The following PHLDB2 variants were observed in gnomAD, a reference collection of about 807,000 sequenced individuals.
The protein encoded by PHLDB2 is pleckstrin homology like domain family B member 2, also known as pleckstrin homology-like domain family B member 2.
Under a neutral mutation model 123.6 loss-of-function variants are expected in PHLDB2, and 71 were observed. The ratio of observed to expected loss-of-function variants is 0.57; its 90% CI spans 0.47 to 0.70. PHLDB2 has a LOEUF of 0.70. Among genes scored for constraint, PHLDB2 ranks in the 30% least tolerant of loss-of-function variants. PHLDB2 has a pLI of 0.00. For missense variants in PHLDB2, 1,446 were observed against 1,519.5 expected, an observed-to-expected ratio of 0.95 and a Z score of 0.80; for synonymous variants, 547 against 541.6, an observed-to-expected ratio of 1.01 and a Z score of -0.14.
rs2071873875 is a variant in PHLDB2 at position 111,967,797 on chromosome 3, A to G, written c.3288A>G (p.Val1096=). 2 of 1,611,514 alleles carry G rather than the reference A, an allele frequency of 1.2e-6. No homozygotes were observed. The highest frequency in any genetic ancestry group is 1.7e-5 in the Admixed American group (1 of 59,478). ...SQRQKLIEKE[V]KIRERQRAQA... ...GGCAGAAGTTAATAGAAAAGGAAGT[A>G]AAAATAAGGGAGAGACAAAGGGCAC... The change falls in exon 15 of 18, where the codon GTA becomes GTG. Residue 1096 remains valine, a synonymous_variant. Coordinates refer to ENST00000431670, the MANE Select transcript of PHLDB2 (RefSeq NM_001134438.2).
At chr3:111,883,919 A>G (rs1183488111) in intron 1 of PHLDB2, 145 bp from the exon 2 acceptor site, 2 of 708,964 alleles carry the variant, frequency 2.8e-6, no homozygotes, top group African/African-American at 3.6e-5. Flanking sequence ...TATGGTTTTA[A>G]CAGGTTTTTT....
Position 111,938,377 on chromosome 3 carries a change from A to G in PHLDB2, c.2131-1098A>G, listed in dbSNP as rs557886485. ...CCACCGACACATCGTCATCACCTAG[A>G]GCCCATGTCCAAAAGTTTTTTGATT... On this transcript the variant is annotated intron_variant, in intron 6 of 17. Transcript: ENST00000431670. Among the ~76,000 whole-genome samples the G allele has an allele frequency of 4.1e-4, 62 of 152,192 alleles. 1 individual carries two copies. In the South Asian group the frequency reaches 0.012, roughly 29 times the overall value.
intron 1 of PHLDB2, among the ~76,000 whole-genome samples, chr3:111,839,289 A>G (rs527766224): frequency 3.2e-4 from 48 of 151,946 alleles, no homozygotes; most frequent in African/African-American, 1.1e-3. Flanking sequence ...GGGATAATTA[A>G]CTAACTTGAA....
intron 1 of PHLDB2, among the ~76,000 whole-genome samples, chr3:111,841,141 C>T (rs1244511570): frequency 6.6e-6 from 1 of 152,008 alleles, no homozygotes; most frequent in Non-Finnish European, 1.5e-5. Context: ...ACTCTGTCGC[C>T]CAGGCTGGAG....
chr3:111,859,241 A>G (rs922766285), upstream of PHLDB2: 31 of 983,216 alleles, frequency 3.2e-5, no homozygotes, highest in Non-Finnish European at 3.7e-5. Context: ...CAGCTCTTAA[A>G]AAAAGCCTGC....
At chr3:111,791,391 T>G (rs901843322) in intron 1 of PHLDB2, among the ~76,000 whole-genome samples, 1 of 152,222 alleles carries the variant, frequency 6.6e-6, no homozygotes, top group African/African-American at 2.4e-5. Context: ...CACTTTCTTA[T>G]CCAAGGACTC....
chr3:111,815,822 T>A (rs998444310), intron 1 of PHLDB2, among the ~76,000 whole-genome samples: 1 of 152,148 alleles, frequency 6.6e-6, no homozygotes, highest in Non-Finnish European at 1.5e-5. Flanking sequence ...ATGGGGACAA[T>A]GTCTCCAGGG....
chr3:111,820,033 G>A (rs773456251), intron 1 of PHLDB2, among the ~76,000 whole-genome samples: 44 of 152,186 alleles, frequency 2.9e-4, no homozygotes, highest in Non-Finnish European at 6.0e-4. Context: ...CTTGGATTAA[G>A]GTCAAACCAT....
At chr3:111,966,558 G>A (rs1281347187) in intron 13 of PHLDB2, 55 bp from the exon 14 acceptor site, 6 of 1,201,218 alleles carry the variant, frequency 5.0e-6, no homozygotes, top group Non-Finnish European at 6.1e-6. Context: ...GTATGTATTA[G>A]AGAGACTTCT....
At chr3:111,892,749 A>T (rs2107381096) in intron 2 of PHLDB2, among the ~76,000 whole-genome samples, 1 of 152,306 alleles carries the variant, frequency 6.6e-6, no homozygotes. Flanking sequence ...TCGTACAAAA[A>T]CCAAAGCTAC....
intron 15 of PHLDB2, among the ~76,000 whole-genome samples, chr3:111,968,635 A>G (rs2107684827): frequency 6.6e-6 from 1 of 152,358 alleles, no homozygotes; most frequent in East Asian, 1.9e-4. Context: ...TGGCCATTTG[A>G]TAGTATAGCA....
intron 1 of PHLDB2, among the ~76,000 whole-genome samples, chr3:111,764,495 T>A (rs1176901269): frequency 6.6e-6 from 1 of 152,078 alleles, no homozygotes; most frequent in Non-Finnish European, 1.5e-5. Flanking sequence ...ATTCCCAACC[T>A]CCCCTTCTTT....
intron 1 of PHLDB2, among the ~76,000 whole-genome samples, chr3:111,860,455 TGC>T (rs1331906443): frequency 6.6e-6 from 1 of 152,248 alleles, no homozygotes; most frequent in Non-Finnish European, 1.5e-5. Context: ...TCCAGCTCCC[TGC>T]GCGGCGGAGG....
chr3:111,780,162 AT>A (rs1304582406), intron 1 of PHLDB2, among the ~76,000 whole-genome samples: 1 of 150,864 alleles, frequency 6.6e-6, no homozygotes, highest in African/African-American at 2.4e-5. Flanking sequence ...TTGCAACCAC[AT>A]TGAGAGGTGA....
At chr3:111,819,235 G>T (rs534503416) in intron 1 of PHLDB2, among the ~76,000 whole-genome samples, 2 of 151,804 alleles carry the variant, frequency 1.3e-5, no homozygotes, top group African/African-American at 4.8e-5. Context: ...GGGGGTTAGG[G>T]CTTCCACGTA....
chr3:111,732,515 G>T, exon 1 of PHLDB2: 1 of 1,041,388 alleles, frequency 9.6e-7, no homozygotes, highest in Non-Finnish European at 1.4e-6. Flanking sequence ...GTCTGCAGAG[G>T]CCAGAGAGAG....
At chr3:111,915,176 T>C (rs936320107) in intron 3 of PHLDB2, 6 of 152,202 alleles carry the variant, frequency 3.9e-5, no homozygotes, top group African/African-American at 1.2e-4. Flanking sequence ...TGAGATTCTT[T>C]AGTTAATCTT....
rs2062971830 is a variant in PHLDB2 at position 111,830,987 on chromosome 3, AAG to A, written c.-48-14832_-48-14831del. On this transcript the variant is annotated intron_variant, in intron 1 of 17. Transcript: ENST00000393923. ...AAAGAAAGAAAGAAAGAAAGAAAGA[AAG>A]AAAGAAAGAAAGAAAGAAAGAAAGA... 2.8e-5 allele frequency among the ~76,000 whole-genome samples: 2 copies of A among 71,106 alleles called. 1 individual carries two copies. The highest frequency in any genetic ancestry group is 5.1e-5 in the Non-Finnish European group (2 of 39,044). The allele number at this position is 71,106 out of a possible 152,430, so 46.6% of individuals were successfully genotyped here. A position where few individuals can be genotyped will look rare whatever the true frequency, so the allele number is the denominator to read the frequency against.
At chr3:111,860,358 C>A (rs986619777) in intron 1 of PHLDB2, among the ~76,000 whole-genome samples, 1 of 152,190 alleles carries the variant, frequency 6.6e-6, no homozygotes, top group Non-Finnish European at 1.5e-5. Context: ...GCCTTTGACC[C>A]CCCACTGAAA....
Sources: gnomAD v4.1 joint callset for allele counts (sites outside exome capture counted in the v4.1 genomes callset) on GRCh38, gnomAD v4.1.1 for gene constraint, MANE v1.5 for transcripts, NCBI Gene and HGNC (gene_info 2026-07-23, HGNC 2026-07-21) for gene names.